The following C11orf87 variants were observed in gnomAD, a reference collection of about 807,000 sequenced individuals.
C11orf87 encodes the protein chromosome 11 open reading frame 87.
A neutral mutation model predicts 9.2 loss-of-function variants in C11orf87; 3 were observed. The observed-to-expected ratio is 0.33, with a 90% CI of 0.15 to 0.84. The LOEUF (loss-of-function observed/expected upper bound fraction) is 0.84. C11orf87 is among the 40% of genes least tolerant of loss of function. C11orf87 has a pLI of 0.55. For synonymous variants in C11orf87, 124 were observed against 124.6 expected (o/e 1.00, Z 0.03); for missense variants, 256 against 270.7 (o/e 0.95, Z 0.38).
At position 109,423,067 on chromosome 11, in the gene C11orf87, A is replaced by G. The variant is rs1860515605; in HGVS notation, c.-259-308A>G. Reference sequence around the variant, plus strand: ...TCTGGGAAGTAGGGACTTCAACCAAAGCGGCTGCGTGTCTGTTGCAATTAT... The same window carrying G: ...TCTGGGAAGTAGGGACTTCAACCAAGGCGGCTGCGTGTCTGTTGCAATTAT... On this transcript the variant is annotated intron_variant, in intron 1 of 1. Coordinates refer to ENST00000327419, the MANE Select transcript of C11orf87 (RefSeq NM_207645.4). The surrounding 1 kb of genome is among the most constrained non-coding windows in gnomAD (Gnocchi z 5.3). 6.6e-6 allele frequency among the ~76,000 whole-genome samples: 1 copy of G among 152,098 alleles called. No homozygotes were observed. Among genetic ancestry groups the G allele is most frequent in the Non-Finnish European group, 1.5e-5 (1 of 68,014 alleles).
At position 109,425,753 on chromosome 11, in the gene C11orf87, T is replaced by A. The variant is rs1860564598; in HGVS notation, c.*1526T>A. The stretch of plus-strand genomic sequence containing the variant: ...TGCAGTTACCACCTGGAGGCAGTGG[T>A]GTGTGTGCTTGCTTGTACTGTATGT... On this transcript the variant is annotated 3_prime_UTR_variant, in exon 2 of 2. Coordinates refer to ENST00000327419, the MANE Select transcript of C11orf87 (RefSeq NM_207645.4). The A allele has an allele frequency of 6.6e-6, 1 of 152,418 alleles. No individual in the cohort carries two copies. Among genetic ancestry groups the A allele is most frequent in the Non-Finnish European group, 1.5e-5 (1 of 68,022 alleles). 9.4% of individuals were successfully genotyped at this position (152,418 alleles called of 1,614,324 possible). A position where few individuals can be genotyped will look rare whatever the true frequency, so the allele number is the denominator to read the frequency against.
Position 109,428,113 on chromosome 11 carries a change from A to C in C11orf87, c.*3886A>C, listed in dbSNP as rs554538286. 7.2e-5 allele frequency: 11 copies of C among 152,196 alleles called. No homozygotes were observed. Among genetic ancestry groups the C allele is most frequent in the African/African-American group, 2.6e-4 (11 of 41,566 alleles). 9.4% of individuals were successfully genotyped at this position (152,196 alleles called of 1,614,324 possible). A position where few individuals can be genotyped will look rare whatever the true frequency, so the allele number is the denominator to read the frequency against. On this transcript the variant is annotated 3_prime_UTR_variant, in exon 2 of 2. Transcript: ENST00000327419. The stretch of plus-strand genomic sequence containing the variant: ...TAGCAATGATAATAAAGTTATGACC[A>C]TATCAATGTGGTCTAAATATCTAGA...
Position 109,424,020 on chromosome 11 carries a change from C to T in C11orf87, c.387C>T (p.Thr129=), listed in dbSNP as rs1345488269. Reference sequence around the variant, plus strand: ...AGGCCCCAACCCACGCAAAGGAAACCCGGCTGGAGAGGCAGCCCCGGGACT... The same window carrying T: ...AGGCCCCAACCCACGCAAAGGAAACTCGGCTGGAGAGGCAGCCCCGGGACT... ...GRQAPTHAKE[T]RLERQPRDSP... is the part of the protein sequence containing the mutation. The change falls in exon 2 of 2, where the codon ACC becomes ACT. Residue 129 remains threonine, a synonymous_variant. Coordinates refer to ENST00000327419, the MANE Select transcript of C11orf87 (RefSeq NM_207645.4). This position sits in a 1 kb window ranked among gnomAD's most constrained non-coding sequence, Gnocchi z 4.7. The T allele has an allele frequency of 6.2e-7, 1 of 1,613,964 alleles. No homozygotes were observed. The highest frequency in any genetic ancestry group is 1.3e-5 in the African/African-American group (1 of 74,940).
rs2134829169 is a variant in C11orf87 at position 109,426,031 on chromosome 11, C to A, written c.*1804C>A. The A allele has an allele frequency of 6.6e-6, 1 of 152,250 alleles. No homozygotes were observed. The highest frequency in any genetic ancestry group is 1.5e-5 in the Non-Finnish European group (1 of 68,014). 9.4% of individuals were successfully genotyped at this position (152,250 alleles called of 1,614,324 possible). ...TAAATATTTTATTATTTTCTAATGC[C>A]AGACAAGGCCATCTATGTTAGAAAT... On this transcript the variant is annotated 3_prime_UTR_variant, in exon 2 of 2. Coordinates refer to ENST00000327419, the MANE Select transcript of C11orf87 (RefSeq NM_207645.4).
Position 109,426,799 on chromosome 11 carries a change from T to G in C11orf87, c.*2572T>G, listed in dbSNP as rs1860578163. 1 of 152,182 alleles carries G rather than the reference T, an allele frequency of 6.6e-6. No individual in the cohort carries two copies. The highest frequency in any genetic ancestry group is 1.5e-5 in the Non-Finnish European group (1 of 68,016). 9.4% of individuals were successfully genotyped at this position (152,182 alleles called of 1,614,324 possible). On this transcript the variant is annotated 3_prime_UTR_variant, in exon 2 of 2. Coordinates refer to ENST00000327419, the MANE Select transcript of C11orf87 (RefSeq NM_207645.4). Reference sequence around the variant, plus strand: ...TTTTGGACTTGAAATTTGAATAGAATCAGGGTCCCAGAAGGGAGCTTCATC... The same window carrying G: ...TTTTGGACTTGAAATTTGAATAGAAGCAGGGTCCCAGAAGGGAGCTTCATC...
In C11orf87 at chr11:109,425,735, A is replaced by G. The variant is rs927967861; in HGVS notation, c.*1508A>G. The G allele has an allele frequency of 3.9e-5, 6 of 152,426 alleles. No individual in the cohort carries two copies. The highest frequency in any genetic ancestry group is 1.3e-4 in the Admixed American group (2 of 15,276). The allele number at this position is 152,426 out of a possible 1,614,324, so 9.4% of individuals were successfully genotyped here. The stretch of plus-strand genomic sequence containing the variant: ...CCTGTAGTTCTCCCTGCATGCAGTT[A>G]CCACCTGGAGGCAGTGGTGTGTGTG... On this transcript the variant is annotated 3_prime_UTR_variant, in exon 2 of 2. Coordinates refer to ENST00000327419, the MANE Select transcript of C11orf87 (RefSeq NM_207645.4).
rs1860552111 is a variant in C11orf87 at position 109,425,013 on chromosome 11, C to G, written c.*786C>G. ...AAATGAGTTTTTTTTAAAAAGCTAACGCTTTCATTCCCTGCCCCGCCCCCA... is the reference window on the plus strand; with the variant it reads ...AAATGAGTTTTTTTTAAAAAGCTAAGGCTTTCATTCCCTGCCCCGCCCCCA... On this transcript the variant is annotated 3_prime_UTR_variant, in exon 2 of 2. Transcript: ENST00000327419. 6.0e-6 allele frequency: 1 copy of G among 167,188 alleles called. No homozygotes were observed. Among genetic ancestry groups the G allele is most frequent in the Non-Finnish European group, 1.5e-5 (1 of 68,118 alleles). 10.4% of individuals were successfully genotyped at this position (167,188 alleles called of 1,614,324 possible).
In C11orf87 at chr11:109,428,342, C is replaced by T. The variant is rs1860600002; in HGVS notation, c.*4115C>T. On this transcript the variant is annotated 3_prime_UTR_variant, in exon 2 of 2. Transcript: ENST00000327419. The stretch of plus-strand genomic sequence containing the variant: ...TTTTTGGATAATATGGATAAATTAG[C>T]TTTAAGAAACTTCTTTGACATCTGA... 1 of 152,056 alleles carries T rather than the reference C, an allele frequency of 6.6e-6. No homozygotes were observed. The highest frequency in any genetic ancestry group is 2.4e-5 in the African/African-American group (1 of 41,422). The allele number at this position is 152,056 out of a possible 1,614,324, so 9.4% of individuals were successfully genotyped here.
At position 109,423,496 on chromosome 11, in the gene C11orf87, C is replaced by T. The variant is rs966444036; in HGVS notation, c.-138C>T. On this transcript the variant is annotated 5_prime_UTR_variant, in exon 2 of 2. Coordinates refer to ENST00000327419, the MANE Select transcript of C11orf87 (RefSeq NM_207645.4). The surrounding 1 kb of genome is among the most constrained non-coding windows in gnomAD (Gnocchi z 5.3). ...CTTGCCAGCAGTTGCTCCCTTAGTC[C>T]TTGGCTCGCTCGCACACCCCCTCCC... The T allele has an allele frequency of 1.1e-5, 10 of 890,422 alleles. No individual in the cohort carries two copies. The African/African-American group carries it at 1.5e-4, about 13-fold the overall frequency. The allele number at this position is 890,422 out of a possible 1,614,324, so 55.2% of individuals were successfully genotyped here.
chr11:109,425,226 C>A lies in C11orf87; in HGVS notation c.*999C>A, dbSNP rs1860555683. 6.0e-6 allele frequency: 1 copy of A among 166,584 alleles called. No homozygotes were observed. Among genetic ancestry groups the A allele is most frequent in the Non-Finnish European group, 1.5e-5 (1 of 68,058 alleles). 10.3% of individuals were successfully genotyped at this position (166,584 alleles called of 1,614,324 possible). A position where few individuals can be genotyped will look rare whatever the true frequency, so the allele number is the denominator to read the frequency against. On this transcript the variant is annotated 3_prime_UTR_variant, in exon 2 of 2. Transcript: ENST00000327419. ...GGGTTCTTTCTTCTTTTTCTACAAT[C>A]GAGTTAGCGTGTACTATTGGTTTTC...
In C11orf87 at chr11:109,422,214, C is replaced by G. The variant is rs1860499650; in HGVS notation, c.-309C>G. The G allele has an allele frequency of 4.9e-6, 1 of 202,352 alleles. No homozygotes were observed. The highest frequency in any genetic ancestry group is 2.4e-5 in the African/African-American group (1 of 41,944). The allele number at this position is 202,352 out of a possible 1,614,324, so 12.5% of individuals were successfully genotyped here. A position where few individuals can be genotyped will look rare whatever the true frequency, so the allele number is the denominator to read the frequency against. ...CACTCCACGCTTTCTGCAGCCGCCA[C>G]TGCAGCCGCGCGGCGGGGGCTCCCT... On this transcript the variant is annotated 5_prime_UTR_variant, in exon 1 of 2. Transcript: ENST00000327419.
Position 109,424,293 on chromosome 11 carries a change from C to T in C11orf87, c.*66C>T. The T allele has an allele frequency of 7.6e-7, 1 of 1,323,514 alleles. No individual in the cohort carries two copies. The highest frequency in any genetic ancestry group is 2.2e-5 in the Admixed American group (1 of 44,708). The allele number at this position is 1,323,514 out of a possible 1,614,324, so 82.0% of individuals were successfully genotyped here. A position where few individuals can be genotyped will look rare whatever the true frequency, so the allele number is the denominator to read the frequency against. On this transcript the variant is annotated 3_prime_UTR_variant, in exon 2 of 2. Transcript: ENST00000327419. This position sits in a 1 kb window ranked among gnomAD's most constrained non-coding sequence, Gnocchi z 4.7. ...CTTTGCCACCCTTGCTTTTTTCCTT[C>T]TTCCTTCCTTTTCCATTTTCCTCTG... is the stretch of plus-strand genomic sequence containing the variant.
At chr11:109,422,830 G>A (rs1484221670) in intron 1 of C11orf87, among the ~76,000 whole-genome samples, 2 of 150,872 alleles carry the variant, frequency 1.3e-5, no homozygotes, top group African/African-American at 4.9e-5. Flanking sequence ...GCGGACAGAG[G>A]CAGAGTGGGA....
rs1396156893 is a variant in C11orf87 at position 109,428,729 on chromosome 11, T to A, written c.*4502T>A. 1 of 152,224 alleles carries A rather than the reference T, an allele frequency of 6.6e-6. No individual in the cohort carries two copies. The allele number at this position is 152,224 out of a possible 1,614,324, so 9.4% of individuals were successfully genotyped here. A position where few individuals can be genotyped will look rare whatever the true frequency, so the allele number is the denominator to read the frequency against. ...TTAATCATTGGAATGAATGTAAATC[T>A]GATTCTGATTTGGTTATTTATTTGA... On this transcript the variant is annotated 3_prime_UTR_variant, in exon 2 of 2. Transcript: ENST00000327419.
At position 109,423,868 on chromosome 11, in the gene C11orf87, C is replaced by G; in HGVS notation, c.235C>G (p.Leu79Val). The G allele has an allele frequency of 1.2e-6, 2 of 1,614,164 alleles. No individual in the cohort carries two copies. Among genetic ancestry groups the G allele is most frequent in the African/African-American group, 1.3e-5 (1 of 75,066 alleles). ...TLIFCLIVLS[L>V]STFHIHKRRM... ...CATCTTCTGCCTCATCGTGCTGTCCCTCTCCACTTTCCACATCCACAAGCG... is the reference window on the plus strand; with the variant it reads ...CATCTTCTGCCTCATCGTGCTGTCCGTCTCCACTTTCCACATCCACAAGCG... Residue 79 changes from leucine (L) to valine (V), a missense_variant, in exon 2 of 2, where the codon CTC becomes GTC. Physicochemically the swap from Leu to Val is conservative, Grantham distance 32. Coordinates refer to ENST00000327419, the MANE Select transcript of C11orf87 (RefSeq NM_207645.4). This position sits in a 1 kb window ranked among gnomAD's most constrained non-coding sequence, Gnocchi z 5.3.
At chr11:109,422,891 T>C (rs1031058391) in intron 1 of C11orf87, among the ~76,000 whole-genome samples, 6 of 151,660 alleles carry the variant, frequency 4.0e-5, no homozygotes, top group African/African-American at 1.2e-4. Context: ...GATCTGACGC[T>C]GTCCAGGGAG....
In C11orf87 at chr11:109,428,172, C is replaced by T. The variant is rs1860597977; in HGVS notation, c.*3945C>T. On this transcript the variant is annotated 3_prime_UTR_variant, in exon 2 of 2. Transcript: ENST00000327419. ...AAAAATATCCAGAAGAGGTTTAGGG[C>T]CATCTAGACCACAAACCTGGAACCT... 1 of 152,028 alleles carries T rather than the reference C, an allele frequency of 6.6e-6. No homozygotes were observed. Among genetic ancestry groups the T allele is most frequent in the Admixed American group, 6.5e-5 (1 of 15,272 alleles). The allele number at this position is 152,028 out of a possible 1,614,324, so 9.4% of individuals were successfully genotyped here. A position where few individuals can be genotyped will look rare whatever the true frequency, so the allele number is the denominator to read the frequency against.
chr11:109,427,338 A>T lies in C11orf87; in HGVS notation c.*3111A>T, dbSNP rs1860587310. On this transcript the variant is annotated 3_prime_UTR_variant, in exon 2 of 2. Coordinates refer to ENST00000327419, the MANE Select transcript of C11orf87 (RefSeq NM_207645.4). ...CTGAGCTTAATATACTCAAAACCTA[A>T]GCTTCCAGTGGTATTACTTGTGATT... is the stretch of plus-strand genomic sequence containing the variant. The T allele has an allele frequency of 6.6e-6, 1 of 152,156 alleles. No individual in the cohort carries two copies. The highest frequency in any genetic ancestry group is 6.5e-5 in the Admixed American group (1 of 15,270). The allele number at this position is 152,156 out of a possible 1,614,324, so 9.4% of individuals were successfully genotyped here. A position where few individuals can be genotyped will look rare whatever the true frequency, so the allele number is the denominator to read the frequency against.
In C11orf87 at chr11:109,423,965, G is replaced by A. The variant is rs1251193236; in HGVS notation, c.332G>A (p.Gly111Asp). ...CGGGATCACTGCAGCGGCAGCCGCG[G>A]TGGCGGGGGGCTGCCCCGACCTGGC... ...YERDHCSGSR[G>D]GGGLPRPGRQ... Residue 111 changes from glycine to aspartate, a missense_variant, in exon 2 of 2, where the codon GGT becomes GAT. Coordinates refer to ENST00000327419, the MANE Select transcript of C11orf87 (RefSeq NM_207645.4). This position sits in a 1 kb window ranked among gnomAD's most constrained non-coding sequence, Gnocchi z 5.3. 3.7e-6 allele frequency: 6 copies of A among 1,613,834 alleles called. No individual in the cohort carries two copies. The South Asian group carries it at 4.4e-5, about 12-fold the overall frequency.
Sources: allele counts gnomAD v4.1 joint callset (sites outside exome capture counted in the v4.1 genomes callset), GRCh38; gene constraint gnomAD v4.1.1; non-coding constraint Gnocchi (gnomAD v3.1); transcripts MANE v1.5; gene names NCBI Gene and HGNC (gene_info 2026-07-23, HGNC 2026-07-21).